The following ULK4 variants were observed in gnomAD, a reference collection of about 807,000 sequenced individuals.
ULK4 encodes inactive serine/threonine-protein kinase ULK4.
Under a neutral mutation model 160.6 loss-of-function variants are expected in ULK4, and 133 were observed. That is an observed-to-expected ratio of 0.83 (90% confidence interval 0.72 to 0.96). The LOEUF is 0.96. Ranked by LOEUF, ULK4 falls within the 40% of genes least tolerant of loss-of-function variation. The probability of loss-of-function intolerance (pLI) is 0.00; values close to 1 mark genes in which losing one functional copy is unlikely to be tolerated. For missense variants in ULK4, 1,580 were observed against 1,499.5 expected (o/e 1.05, Z -0.89); for synonymous variants, 534 against 539.8 (o/e 0.99, Z 0.15).
At chr3:41,948,580 C>T (rs1029879975) in intron 2 of ULK4, among the ~76,000 whole-genome samples, 5 of 151,810 alleles carry the variant, frequency 3.3e-5, no homozygotes, top group South Asian at 2.1e-4. Flanking sequence ...GGATTATGCA[C>T]GATAACCAAG....
At chr3:41,300,844 TATATATATATATATATATATATATA>T (rs2079777282) in intron 35 of ULK4, among the ~76,000 whole-genome samples, 5 of 46,074 alleles carry the variant, frequency 1.1e-4, no homozygotes, top group African/African-American at 4.6e-4. Flanking sequence ...AGATTATATA[TATATATATATATATATATATATATA>T]TATATATATA....
chr3:41,917,724 G>A (rs1699016689), intron 7 of ULK4, among the ~76,000 whole-genome samples: 1 of 152,122 alleles, frequency 6.6e-6, no homozygotes, highest in South Asian at 2.1e-4. Flanking sequence ...GCTCACGCCT[G>A]TAATCCCAGC....
intron 17 of ULK4, among the ~76,000 whole-genome samples, chr3:41,851,207 G>A (rs1346889465): frequency 2.0e-5 from 3 of 152,196 alleles, no homozygotes; most frequent in Non-Finnish European, 4.4e-5. Flanking sequence ...GATATTGGCT[G>A]TGGGTTTGTC....
chr3:41,881,283 C>CT (rs1305932259), intron 17 of ULK4, among the ~76,000 whole-genome samples: 1 of 31,480 alleles, frequency 3.2e-5, no homozygotes, highest in Non-Finnish European at 6.0e-5. Context: ...GCAGAAACTT[C>CT]TAAAAAAAAA....
intron 4 of ULK4, among the ~76,000 whole-genome samples, chr3:41,933,242 A>G (rs1482351798): frequency 6.6e-6 from 1 of 152,126 alleles, no homozygotes; most frequent in Non-Finnish European, 1.5e-5. Context: ...GATGGGGCCC[A>G]TTTCTACCAA....
At chr3:41,931,478 A>T (rs1391891599) in intron 5 of ULK4, among the ~76,000 whole-genome samples, 2 of 151,940 alleles carry the variant, frequency 1.3e-5, no homozygotes, top group African/African-American at 2.4e-5. Flanking sequence ...CTTAAAAAAA[A>T]AAAAAAAAAA....
At chr3:41,412,805 C>T (rs1024620658) in intron 34 of ULK4, among the ~76,000 whole-genome samples, 3 of 151,998 alleles carry the variant, frequency 2.0e-5, no homozygotes, top group Non-Finnish European at 4.4e-5. Flanking sequence ...AAGTAATCCA[C>T]CTGTCTCATC....
chr3:41,673,401 T>A (rs1190117279), intron 29 of ULK4, among the ~76,000 whole-genome samples: 1 of 152,148 alleles, frequency 6.6e-6, no homozygotes, highest in Non-Finnish European at 1.5e-5. Context: ...GTGTTGCCAC[T>A]AATAGAATCC....
chr3:41,295,195 GCA>G (rs1559509403), intron 35 of ULK4, among the ~76,000 whole-genome samples: 13 of 75,770 alleles, frequency 1.7e-4, no homozygotes, highest in South Asian at 4.7e-4. Context: ...AAACAATGGA[GCA>G]AACATAGTTT....
intron 30 of ULK4, among the ~76,000 whole-genome samples, chr3:41,644,583 G>C (rs2034390833): frequency 6.6e-6 from 1 of 152,178 alleles, no homozygotes; most frequent in Non-Finnish European, 1.5e-5. Flanking sequence ...TGTGCTGCTG[G>C]ATTCGGTTTG....
chr3:41,411,468 C>T (rs2082408383), intron 34 of ULK4, among the ~76,000 whole-genome samples: 1 of 149,684 alleles, frequency 6.7e-6, no homozygotes, highest in Non-Finnish European at 1.5e-5. Flanking sequence ...CACTCTGTCG[C>T]CCAGGCTGGA....
intron 32 of ULK4, among the ~76,000 whole-genome samples, chr3:41,523,128 C>G (rs1035736650): frequency 6.6e-6 from 1 of 152,110 alleles, no homozygotes; most frequent in Non-Finnish European, 1.5e-5. Context: ...AGGCTGGTCA[C>G]GAACTCCTGA....
At chr3:41,708,789 C>T (rs530818587) in intron 25 of ULK4, among the ~76,000 whole-genome samples, 1 of 152,258 alleles carries the variant, frequency 6.6e-6, no homozygotes, top group South Asian at 2.1e-4. Flanking sequence ...TGTTTATTAG[C>T]TCAATTTAGC....
intron 17 of ULK4, among the ~76,000 whole-genome samples, chr3:41,853,736 C>T (rs1207292042): frequency 6.6e-6 from 1 of 152,154 alleles, no homozygotes; most frequent in Admixed American, 6.5e-5. Flanking sequence ...GTAACTTTCT[C>T]CTGATAAGAG....
At chr3:41,550,619 C>T (rs2087026628) in intron 32 of ULK4, among the ~76,000 whole-genome samples, 1 of 151,878 alleles carries the variant, frequency 6.6e-6, no homozygotes, top group Non-Finnish European at 1.5e-5. Context: ...GTACCCAATG[C>T]CACAGAACCC....
At chr3:41,678,207 C>CACAG (rs2035797554) in intron 29 of ULK4, among the ~76,000 whole-genome samples, 1 of 151,390 alleles carries the variant, frequency 6.6e-6, no homozygotes. Context: ...CACACACACA[C>CACAG]ACACACACAC....
intron 17 of ULK4, among the ~76,000 whole-genome samples, chr3:41,838,886 A>G (rs1284406492): frequency 6.6e-6 from 1 of 152,192 alleles, no homozygotes; most frequent in Non-Finnish European, 1.5e-5. Context: ...ATTTATAGAC[A>G]TGGAGAGTAG....
intron 35 of ULK4, among the ~76,000 whole-genome samples, chr3:41,353,525 G>C (rs2080955477): frequency 2.0e-5 from 3 of 151,954 alleles, no homozygotes; most frequent in Non-Finnish European, 4.4e-5. Flanking sequence ...AAAATTAGCT[G>C]AGTGTGGTAG....
At chr3:41,837,031 T>C (rs749058414) in intron 17 of ULK4, among the ~76,000 whole-genome samples, 9 of 152,230 alleles carry the variant, frequency 5.9e-5, no homozygotes, top group Non-Finnish European at 1.3e-4. Flanking sequence ...TTTCTTACCA[T>C]TGACAAAGAC....
Sources: allele counts gnomAD v4.1 joint callset (sites outside exome capture counted in the v4.1 genomes callset), GRCh38; gene constraint gnomAD v4.1.1; transcripts MANE v1.5; gene names NCBI Gene and HGNC (gene_info 2026-07-23, HGNC 2026-07-21).